Variants in STRBP observed in about 807,000 individuals in gnomAD.
STRBP encodes spermatid perinuclear RNA binding protein.
STRBP carries 13 observed loss-of-function variants against 80.1 expected under a neutral mutation model. That is an observed-to-expected ratio of 0.16 (90% confidence interval 0.11 to 0.26). The LOEUF is 0.26. Ranked by LOEUF, STRBP falls within the 10% of genes least tolerant of loss-of-function variation. The pLI is 1.00. For missense variants in STRBP, 485 were observed against 815.2 expected (o/e 0.59, Z 4.93); for synonymous variants, 284 against 291.2 (o/e 0.98, Z 0.25).
intron 1 of STRBP, among the ~76,000 whole-genome samples, chr9:123,261,843 T>A (rs1386490881): frequency 6.6e-6 from 1 of 152,224 alleles, no homozygotes; most frequent in East Asian, 1.9e-4. Flanking sequence ...CAGAATTATT[T>A]AACTCAAGAG....
intron 2 of STRBP, among the ~76,000 whole-genome samples, chr9:123,197,403 A>C (rs1376243107): frequency 1.3e-5 from 2 of 152,200 alleles, no homozygotes; most frequent in African/African-American, 4.8e-5. Flanking sequence ...ACATGGACGA[A>C]ATATAAAATG....
intron 1 of STRBP, among the ~76,000 whole-genome samples, chr9:123,267,157 C>A (rs1466459792): frequency 6.6e-6 from 1 of 151,590 alleles, no homozygotes; most frequent in African/African-American, 2.4e-5. Context: ...TCCACGCCAC[C>A]CCACACCTGT....
At chr9:123,178,644 G>T (rs1015892912) in intron 4 of STRBP, among the ~76,000 whole-genome samples, 1 of 151,984 alleles carries the variant, frequency 6.6e-6, no homozygotes, top group African/African-American at 2.4e-5. Context: ...TACAAAAATG[G>T]TATTTTATGA....
chr9:123,147,225 A>C (rs1481393986), intron 12 of STRBP, among the ~76,000 whole-genome samples, 171 bp from the exon 13 acceptor site: 2 of 152,188 alleles, frequency 1.3e-5, no homozygotes, highest in Non-Finnish European at 2.9e-5. Context: ...TGCTAATATC[A>C]CTATAAAAAT....
rs2036199001 is a variant in STRBP at position 123,132,897 on chromosome 9, T to C, written c.1845A>G (p.Leu615=). The C allele has an allele frequency of 1.2e-6, 2 of 1,614,028 alleles. No individual in the cohort carries two copies. Among genetic ancestry groups the C allele is most frequent in the South Asian group, 1.1e-5 (1 of 91,086 alleles). ...TCGCCCCAACAAAAGCTCCCCTTGTTAGAGTTCCTCTTCCTCTGCCCCGAA... is the reference window on the plus strand; with the variant it reads ...TCGCCCCAACAAAAGCTCCCCTTGTCAGAGTTCCTCTTCCTCTGCCCCGAA... ...QAVRGRGRGT[L]TRGAFVGATA... Residue 615 remains leucine (L), a synonymous_variant, in exon 17 of 19, where the codon CTA becomes CTG. Transcript: ENST00000348403.
At position 123,123,624 on chromosome 9, in the gene STRBP, C is replaced by T. The variant is rs897413330; in HGVS notation, c.*1973G>A. On this transcript the variant is annotated 3_prime_UTR_variant, in exon 19 of 19. Coordinates refer to ENST00000348403, the MANE Select transcript of STRBP (RefSeq NM_018387.5). ...CAGCTCCCTTTTCACCATTACAGAG[C>T]GCGTGAGTTATGAAGCAGAGTCAGC... 17 of 984,886 alleles carry T rather than the reference C, an allele frequency of 1.7e-5. No individual in the cohort carries two copies. The highest frequency in any genetic ancestry group is 1.1e-4 in the East Asian group (1 of 8,820). 61.0% of individuals were successfully genotyped at this position (984,886 alleles called of 1,614,324 possible).
At position 123,261,889 on chromosome 9, in the gene STRBP, T is replaced by C. The variant is rs559873822; in HGVS notation, c.-302+6547A>G. On this transcript the variant is annotated intron_variant, in intron 1 of 18. Transcript: ENST00000348403. ...TCCAAAACTTCATTAGGTTAAAATTTAGGTTGCCTAAGCTATACAGAAGCC... is the reference window on the plus strand; with the variant it reads ...TCCAAAACTTCATTAGGTTAAAATTCAGGTTGCCTAAGCTATACAGAAGCC... 3.9e-5 allele frequency among the ~76,000 whole-genome samples: 6 copies of C among 152,338 alleles called. No individual in the cohort carries two copies. In the South Asian group the frequency reaches 1.0e-3, roughly 26 times the overall value.
intron 2 of STRBP, among the ~76,000 whole-genome samples, chr9:123,211,920 T>C (rs1228363454): frequency 2.0e-5 from 3 of 152,140 alleles, no homozygotes; most frequent in African/African-American, 7.2e-5. Context: ...CCATAATCTA[T>C]AGAAAATAAT....
chr9:123,187,809 A>G (rs1264710989), intron 2 of STRBP, among the ~76,000 whole-genome samples: 2 of 127,042 alleles, frequency 1.6e-5, no homozygotes, highest in African/African-American at 3.0e-5. Context: ...TATTCTTGAC[A>G]TATTACCTTA....
chr9:123,261,905 T>C (rs1481674293), intron 1 of STRBP, among the ~76,000 whole-genome samples: 2 of 152,224 alleles, frequency 1.3e-5, no homozygotes, highest in Non-Finnish European at 2.9e-5. Flanking sequence ...GCCTAAGCTA[T>C]ACAGAAGCCT....
chr9:123,153,130 G>T (rs1038886456), intron 11 of STRBP, among the ~76,000 whole-genome samples: 1 of 152,056 alleles, frequency 6.6e-6, no homozygotes, highest in Non-Finnish European at 1.5e-5. Flanking sequence ...AATAATCCAG[G>T]TGAGAGATGA....
intron 6 of STRBP, among the ~76,000 whole-genome samples, chr9:123,167,940 G>A (rs188727513): frequency 1.3e-5 from 2 of 151,786 alleles, no homozygotes; most frequent in Non-Finnish European, 2.9e-5. Flanking sequence ...TGAAAGCTAT[G>A]ACAAAATCTC....
At chr9:123,256,772 G>C (rs992552731) in intron 1 of STRBP, among the ~76,000 whole-genome samples, 3 of 151,874 alleles carry the variant, frequency 2.0e-5, no homozygotes, top group African/African-American at 7.3e-5. Context: ...GGACCATTTA[G>C]ACAGACCAAT....
At chr9:123,205,480 G>A (rs899489697) in intron 2 of STRBP, among the ~76,000 whole-genome samples, 9 of 152,062 alleles carry the variant, frequency 5.9e-5, no homozygotes, top group South Asian at 4.1e-4. Flanking sequence ...CTCTTAATGA[G>A]GTAAGTTTGC....
intron 1 of STRBP, among the ~76,000 whole-genome samples, chr9:123,237,491 T>C (rs939439579): frequency 1.3e-5 from 2 of 152,066 alleles, no homozygotes; most frequent in African/African-American, 4.8e-5. Flanking sequence ...CCTTCAGCAA[T>C]GGGAGGAGAA....
chr9:123,159,766 TTTAAA>T (rs1281101122), intron 8 of STRBP, among the ~76,000 whole-genome samples: 1 of 152,250 alleles, frequency 6.6e-6, no homozygotes, highest in Non-Finnish European at 1.5e-5. Context: ...CACGGCTTTA[TTTAAA>T]TTGTTTTATA....
intron 1 of STRBP, among the ~76,000 whole-genome samples, chr9:123,243,265 C>CAAAAAAAAAAAAAAAAAAAAAAAAAA (rs1160280485): frequency 5.1e-5 from 4 of 78,944 alleles, no homozygotes; most frequent in African/African-American, 7.5e-5. Flanking sequence ...ATCAATAAGA[C>CAAAAAAAAAAAAAAAAAAAAAAAAAA]AAAAAAAAAA....
At position 123,136,344 on chromosome 9, in the gene STRBP, G is replaced by A; in HGVS notation, c.1632+37C>T. The A allele has an allele frequency of 6.2e-7, 1 of 1,610,610 alleles. No individual in the cohort carries two copies. Among genetic ancestry groups the A allele is most frequent in the South Asian group, 1.1e-5 (1 of 90,562 alleles). ...AGTTCAGGATATCCTATGTCTTTGA[G>A]AAGAAAGATAAGGCTGGCTTGTGTC... On this transcript the variant is annotated intron_variant, in intron 15 of 18. Coordinates refer to ENST00000348403, the MANE Select transcript of STRBP (RefSeq NM_018387.5). The surrounding 1 kb of genome is among the most constrained non-coding windows in gnomAD (Gnocchi z 4.2).
intron 1 of STRBP, among the ~76,000 whole-genome samples, chr9:123,258,535 G>A (rs1234895190): frequency 1.3e-5 from 2 of 152,218 alleles, no homozygotes; most frequent in Non-Finnish European, 2.9e-5. Flanking sequence ...CAGGCGTGGT[G>A]GCTCACGCCT....
Sources: allele counts gnomAD v4.1 joint callset (sites outside exome capture counted in the v4.1 genomes callset), GRCh38; gene constraint gnomAD v4.1.1; non-coding constraint Gnocchi (gnomAD v3.1); transcripts MANE v1.5; gene names NCBI Gene and HGNC (gene_info 2026-07-23, HGNC 2026-07-21).